The following PITX3 variants were observed in gnomAD, a reference collection of about 807,000 sequenced individuals.
The protein encoded by PITX3 is pituitary homeobox 3.
In PITX3, 4 loss-of-function variants were observed where a neutral mutation model predicts 14.2. The ratio of observed to expected loss-of-function variants is 0.28; its 90% CI spans 0.14 to 0.65. The LOEUF is 0.65. PITX3 is among the 30% of genes least tolerant of loss of function. PITX3 has a pLI of 0.82. For missense variants in PITX3, 358 were observed against 426.8 expected, an observed-to-expected ratio of 0.84 and a Z score of 1.42; for synonymous variants, 194 against 204.5, an observed-to-expected ratio of 0.95 and a Z score of 0.44.
chr10:102,234,214 G>T (rs1255603050), intron 1 of PITX3, among the ~76,000 whole-genome samples: 1 of 152,180 alleles, frequency 6.6e-6, no homozygotes, highest in Non-Finnish European at 1.5e-5. Context: ...GCCTGTATTT[G>T]CACATGGTAA....
Position 102,230,999 on chromosome 10 carries a change from G to C in PITX3, c.424C>G (p.Pro142Ala), listed in dbSNP as rs1245165728. The C allele has an allele frequency of 1.3e-6, 2 of 1,599,634 alleles. No individual in the cohort carries two copies. The highest frequency in any genetic ancestry group is 1.7e-6 in the Non-Finnish European group (2 of 1,175,122). ...CCGGGGTACACCTCCTCGTAGGGCG[G>C]CACCAGCCCCCCGAGCGGCGCCGCG... ...SFAAPLGGLVPPYEEVYPGYS... is the reference protein window; with the variant it reads ...SFAAPLGGLVAPYEEVYPGYS... Residue 142 changes from proline to alanine, a missense_variant, in exon 4 of 4, where the codon CCG becomes GCG. Physicochemically the swap from Pro to Ala is conservative, Grantham distance 27. Coordinates refer to ENST00000370002, the MANE Select transcript of PITX3 (RefSeq NM_005029.4).
At position 102,231,087 on chromosome 10, in the gene PITX3, G is replaced by A; in HGVS notation, c.336C>T (p.Asn112=). Residue 112 remains asparagine, a synonymous_variant, in exon 4 of 4, where the codon AAC becomes AAT. Transcript: ENST00000370002. ...CGCGCTTCCGCCATTTGGCGCGCCG[G>A]TTCTTGAACCACACCTGCGGGCACG... ...TEARVRVWFK[N]RRAKWRKRER... The A allele has an allele frequency of 1.3e-6, 2 of 1,558,272 alleles. No homozygotes were observed. Among genetic ancestry groups the A allele is most frequent in the Non-Finnish European group, 8.7e-7 (1 of 1,155,998 alleles).
chr10:102,241,011 C>G lies in PITX3; in HGVS notation c.-13+322G>C, dbSNP rs546227791. 1.3e-5 allele frequency among the ~76,000 whole-genome samples: 2 copies of G among 151,590 alleles called. No homozygotes were observed. The highest frequency in any genetic ancestry group is 2.1e-4 in the South Asian group (1 of 4,826). ...CCTTTCGCTCCCTGGCCGCCTGCCC[C>G]GTGCCCTGGGATTCCAGGGCGCTTT... On this transcript the variant is annotated intron_variant, in intron 1 of 3. Transcript: ENST00000370002. This position sits in a 1 kb window ranked among gnomAD's most constrained non-coding sequence, Gnocchi z 6.7.
chr10:102,231,917 G>T, intron 2 of PITX3, 46 bp downstream of exon 2: 1 of 1,564,736 alleles, frequency 6.4e-7, no homozygotes, highest in Non-Finnish European at 8.8e-7. Flanking sequence ...CCCGCACTGG[G>T]GATGAAGCTG....
chr10:102,231,560 G>A (rs377173976), intron 3 of PITX3, 28 bp downstream of exon 3: 12 of 1,465,634 alleles, frequency 8.2e-6, no homozygotes, highest in Middle Eastern at 2.2e-4. Flanking sequence ...GCCCGCGCGG[G>A]TGCGAGTCGC....
At chr10:102,231,213 G>T in intron 3 of PITX3, 112 bp from the exon 4 acceptor site, 1 of 1,045,046 alleles carries the variant, frequency 9.6e-7, no homozygotes, top group Non-Finnish European at 1.3e-6. Context: ...TAAACGAGAT[G>T]AGGTGGCTAG....
At chr10:102,239,360 C>T (rs2070475968) in intron 1 of PITX3, among the ~76,000 whole-genome samples, 1 of 152,212 alleles carries the variant, frequency 6.6e-6, no homozygotes, top group Non-Finnish European at 1.5e-5. Flanking sequence ...TTCAGGGAAC[C>T]ATCTGTAATG....
chr10:102,236,836 A>AGAG (rs148311798), intron 1 of PITX3, among the ~76,000 whole-genome samples: 2,132 of 152,224 alleles, frequency 0.014, 40 homozygotes, highest in African/African-American at 0.049. Context: ...GGCTAAATGG[A>AGAG]GAGATGAGAG....
rs968865408 is a variant in PITX3, at chr10:102,230,778, C to T, written c.645G>A (p.Leu215=). Residue 215 remains leucine, a synonymous_variant, in exon 4 of 4, where the codon CTG becomes CTA. Coordinates refer to ENST00000370002, the MANE Select transcript of PITX3 (RefSeq NM_005029.4). ...CGGGGGGGCCCCCGCCCAGGCCCTG[C>T]AGGGCCCCAGGCCCTGGCACGGTGC... ...APGTVPGPGA[L]QGLGGGPPGL... 14 of 1,537,328 alleles carry T rather than the reference C, an allele frequency of 9.1e-6. No individual in the cohort carries two copies. Among genetic ancestry groups the T allele is most frequent in the Non-Finnish European group, 1.2e-5 (14 of 1,141,558 alleles).
Position 102,230,804 on chromosome 10 carries a change from C to A in PITX3, c.619G>T (p.Gly207Cys). Residue 207 changes from glycine to cysteine, a missense_variant, in exon 4 of 4, where the codon GGC (glycine) becomes TGC (cysteine). Physicochemically the swap from Gly to Cys is radical, Grantham distance 159. Coordinates refer to ENST00000370002, the MANE Select transcript of PITX3 (RefSeq NM_005029.4). ...AGGGCCCCAGGCCCTGGCACGGTGC[C>A]CGGGGCAGCCGCGGCGGAGGGCACC... ...SMVPSAAAAP[G>C]TVPGPGALQG... 5.1e-6 allele frequency: 8 copies of A among 1,554,384 alleles called. No homozygotes were observed. The highest frequency in any genetic ancestry group is 1.2e-5 in the South Asian group (1 of 84,464).
chr10:102,236,004 A>G (rs756451780), intron 1 of PITX3, among the ~76,000 whole-genome samples: 4 of 152,220 alleles, frequency 2.6e-5, no homozygotes, highest in East Asian at 1.9e-4. Flanking sequence ...GAGAGGAGCC[A>G]CAGCTGAGAA....
At chr10:102,231,812 G>C in intron 2 of PITX3, 22 bp from the exon 3 acceptor site, 1 of 1,593,368 alleles carries the variant, frequency 6.3e-7, no homozygotes, top group Non-Finnish European at 8.5e-7. Flanking sequence ...GGTGGGGGCA[G>C]GTCACAGAGC....
rs1447687897 is a variant in PITX3, at chr10:102,230,940, A to C, written c.483T>G (p.Leu161=). The C allele has an allele frequency of 1.2e-6, 2 of 1,608,890 alleles. No homozygotes were observed. The highest frequency in any genetic ancestry group is 4.5e-5 in the East Asian group (2 of 44,666). The change falls in exon 4 of 4, where the codon CTT becomes CTG. Residue 161 remains leucine, a synonymous_variant. Coordinates refer to ENST00000370002, the MANE Select transcript of PITX3 (RefSeq NM_005029.4). ...YSYGNWPPKA[L]APPLAAKTFP... is the part of the protein sequence containing the mutation. The stretch of plus-strand genomic sequence containing the variant: ...AGGTCTTGGCGGCGAGCGGCGGGGC[A>C]AGAGCCTTGGGCGGCCAGTTGCCGT...
At chr10:102,231,134 G>A (rs775676668) in intron 3 of PITX3, 33 bp from the exon 4 acceptor site, 11 of 1,487,726 alleles carry the variant, frequency 7.4e-6, no homozygotes, top group African/African-American at 2.9e-5. Flanking sequence ...GTCAGGGCCC[G>A]GGGCCGGGTC....
chr10:102,238,625 G>A (rs185174249), intron 1 of PITX3, among the ~76,000 whole-genome samples: 60 of 152,302 alleles, frequency 3.9e-4, no homozygotes, highest in Admixed American at 5.2e-4. Context: ...CATAATAATA[G>A]CAGTGCTTCT....
intron 1 of PITX3, among the ~76,000 whole-genome samples, chr10:102,237,281 G>A (rs962235043): frequency 6.6e-6 from 1 of 152,268 alleles, no homozygotes; most frequent in South Asian, 2.1e-4. Flanking sequence ...CGAGTGTTGG[G>A]AGCTCAGAGA....
rs1282257708 is a variant in PITX3, at chr10:102,231,462, GGGAGCCA to G, written c.321+119_321+125del. 1.1e-5 allele frequency: 7 copies of G among 665,664 alleles called. No homozygotes were observed. In the African/African-American group the frequency reaches 1.3e-4, roughly 12 times the overall value. The allele number at this position is 665,664 out of a possible 1,614,324, so 41.2% of individuals were successfully genotyped here. ...CAAGAGACCGCGTGGGGCTGCGGCC[GGGAGCCA>G]GGGTCCGGGGTCCGGGGTCCGAGGG... On this transcript the variant is annotated intron_variant, in intron 3 of 3. Transcript: ENST00000370002.
At position 102,230,355 on chromosome 10, in the gene PITX3, G is replaced by T; in HGVS notation, c.*159C>A. On this transcript the variant is annotated 3_prime_UTR_variant, in exon 4 of 4. Transcript: ENST00000370002. Reference sequence around the variant, plus strand: ...TGTAGGGCCTAGTCCACCCCTCAGGGCTGGGAGGGGAAGGCCCTCTCCTGA... The same window carrying T: ...TGTAGGGCCTAGTCCACCCCTCAGGTCTGGGAGGGGAAGGCCCTCTCCTGA... 1 of 1,152,402 alleles carries T rather than the reference G, an allele frequency of 8.7e-7. No individual in the cohort carries two copies. The highest frequency in any genetic ancestry group is 1.2e-6 in the Non-Finnish European group (1 of 830,756). The allele number at this position is 1,152,402 out of a possible 1,614,324, so 71.4% of individuals were successfully genotyped here. A position where few individuals can be genotyped will look rare whatever the true frequency, so the allele number is the denominator to read the frequency against.
intron 1 of PITX3, among the ~76,000 whole-genome samples, chr10:102,234,556 A>G (rs2070335206): frequency 6.6e-6 from 1 of 152,160 alleles, no homozygotes; most frequent in Non-Finnish European, 1.5e-5. Flanking sequence ...AGAAGGAACT[A>G]TGGTAGCCTT....
Sources: gnomAD v4.1 joint callset for allele counts (sites outside exome capture counted in the v4.1 genomes callset) on GRCh38, gnomAD v4.1.1 for gene constraint, Gnocchi (gnomAD v3.1) non-coding constraint, MANE v1.5 for transcripts, NCBI Gene and HGNC (gene_info 2026-07-23, HGNC 2026-07-21) for gene names.